HRK: variants seen among roughly 807,000 people sequenced by gnomAD.
HRK encodes the protein activator of apoptosis harakiri.
In HRK, 6 loss-of-function variants were observed where a neutral mutation model predicts 5.9. The ratio of observed to expected loss-of-function variants is 1.02; its 90% CI spans 0.56 to 2.01. The LOEUF (loss-of-function observed/expected upper bound fraction) is 2.01. Among genes scored for constraint, HRK ranks in the 30% most tolerant of loss-of-function variants. The pLI is 0.00. For missense variants in HRK, 133 were observed against 128.3 expected (o/e 1.04, Z -0.18); for synonymous variants, 85 against 65.1 (o/e 1.31, Z -1.47).
At chr12:116,868,286 A>G (rs574131830) in intron 1 of HRK, among the ~76,000 whole-genome samples, 207 of 152,190 alleles carry the variant, frequency 1.4e-3, no homozygotes, top group Non-Finnish European at 2.3e-3. Flanking sequence ...GTTGGGAGAA[A>G]ACCACGCAGG....
chr12:116,879,966 G>A lies in HRK; in HGVS notation c.*56+1010C>T, dbSNP rs912023175. ...TCCCTCATTCTCTGCAGCGCTCCTC[G>A]CTACTCCAGGATCCAGAGTAGTAAG... On this transcript the variant is annotated intron_variant, in intron 1 of 1. Coordinates refer to ENST00000257572, the MANE Select transcript of HRK (RefSeq NM_003806.4). The surrounding 1 kb of genome is among the most constrained non-coding windows in gnomAD (Gnocchi z 5.6). Among the ~76,000 whole-genome samples, 1 of 152,126 alleles carries A rather than the reference G, an allele frequency of 6.6e-6. No individual in the cohort carries two copies. The highest frequency in any genetic ancestry group is 1.5e-5 in the Non-Finnish European group (1 of 68,016).
Position 116,881,348 on chromosome 12 carries a change from T to C in HRK, c.-41A>G. ...TCCCGCCCCGCGCTCGGGCCGCCCC[T>C]CGCCTCCTCTCCCTCCGGCCTCTGC... On this transcript the variant is annotated 5_prime_UTR_variant, in exon 1 of 2. Transcript: ENST00000257572. The C allele has an allele frequency of 1.0e-6, 1 of 1,000,238 alleles. No individual in the cohort carries two copies. The highest frequency in any genetic ancestry group is 1.2e-6 in the Non-Finnish European group (1 of 836,460). The allele number at this position is 1,000,238 out of a possible 1,614,324, so 62.0% of individuals were successfully genotyped here. A position where few individuals can be genotyped will look rare whatever the true frequency, so the allele number is the denominator to read the frequency against.
chr12:116,865,440 T>G (rs968332596), intron 1 of HRK, among the ~76,000 whole-genome samples: 3 of 151,946 alleles, frequency 2.0e-5, no homozygotes, highest in African/African-American at 7.3e-5. Context: ...GGCACGAGAA[T>G]CTCTAGAACC....
chr12:116,881,119 G>T lies in HRK; in HGVS notation c.189C>A (p.Gly63=). The change falls in exon 1 of 2, where the codon GGC becomes GGA. Residue 63 remains glycine, a synonymous_variant. Transcript: ENST00000257572. ...GCCAAGGCCAGTAGGTGGGGAGCGC[G>T]CCGGGCGCCGGCGCCCTCCGGCTCC... ...RARSRRAPAP[G]ALPTYWPWLC... is the part of the protein sequence containing the mutation. 8.2e-7 allele frequency: 1 copy of T among 1,222,790 alleles called. No individual in the cohort carries two copies. The highest frequency in any genetic ancestry group is 3.7e-5 in the South Asian group (1 of 27,302). The allele number at this position is 1,222,790 out of a possible 1,614,324, so 75.7% of individuals were successfully genotyped here. A position where few individuals can be genotyped will look rare whatever the true frequency, so the allele number is the denominator to read the frequency against.
rs1299914933 is a variant in HRK at position 116,881,356 on chromosome 12, TCTCC to T, written c.-53_-50del. ...CGCGCTCGGGCCGCCCCTCGCCTCC[TCTCC>T]CTCCGGCCTCTGCGCCCGCTGCCGC... On this transcript the variant is annotated 5_prime_UTR_variant, in exon 1 of 2. Coordinates refer to ENST00000257572, the MANE Select transcript of HRK (RefSeq NM_003806.4). 2 of 1,023,452 alleles carry T rather than the reference TCTCC, an allele frequency of 2.0e-6. No homozygotes were observed. Among genetic ancestry groups the T allele is most frequent in the Non-Finnish European group, 2.3e-6 (2 of 855,442 alleles). 63.4% of individuals were successfully genotyped at this position (1,023,452 alleles called of 1,614,324 possible).
Position 116,876,276 on chromosome 12 carries a change from C to T in HRK, c.*56+4700G>A, listed in dbSNP as rs549491684. Among the ~76,000 whole-genome samples the T allele has an allele frequency of 9.8e-5, 15 of 152,314 alleles. No individual in the cohort carries two copies. In the South Asian group the frequency reaches 2.9e-3, roughly 29 times the overall value. ...GGGTTCCTCCCCAACAGCTGTCCTC[C>T]TCGGGCTCCCTCGCCAAACAGAAGG... is the stretch of plus-strand genomic sequence containing the variant. On this transcript the variant is annotated intron_variant, in intron 1 of 1. Transcript: ENST00000257572.
At chr12:116,880,297 T>C (rs1879097351) in intron 1 of HRK, among the ~76,000 whole-genome samples, 1 of 152,176 alleles carries the variant, frequency 6.6e-6, no homozygotes, top group African/African-American at 2.4e-5. Context: ...TACAACCGTC[T>C]GGGGAGAAGG....
intron 1 of HRK, among the ~76,000 whole-genome samples, chr12:116,880,041 C>T (rs1418603655): frequency 1.3e-5 from 2 of 152,136 alleles, no homozygotes; most frequent in South Asian, 2.1e-4. Context: ...CAGTGCCAGG[C>T]GCACAGCTAG....
In HRK at chr12:116,878,178, A is replaced by G. The variant is rs1461535310; in HGVS notation, c.*56+2798T>C. ...TGATCCACCTGCCTTGGCCTCCCAA[A>G]GTGCTGGAATTACAGGCGTGAGCCA... On this transcript the variant is annotated intron_variant, in intron 1 of 1. Coordinates refer to ENST00000257572, the MANE Select transcript of HRK (RefSeq NM_003806.4). The surrounding 1 kb of genome is among the most constrained non-coding windows in gnomAD (Gnocchi z 4.4). Among the ~76,000 whole-genome samples, 1 of 152,214 alleles carries G rather than the reference A, an allele frequency of 6.6e-6. No homozygotes were observed. Among genetic ancestry groups the G allele is most frequent in the Non-Finnish European group, 1.5e-5 (1 of 68,040 alleles).
chr12:116,875,331 C>A (rs1234380908), intron 1 of HRK, among the ~76,000 whole-genome samples: 1 of 152,094 alleles, frequency 6.6e-6, no homozygotes, highest in South Asian at 2.1e-4. Flanking sequence ...TAATTTGTTA[C>A]ACAGAAGTAG....
At chr12:116,877,585 T>C (rs1474731709) in intron 1 of HRK, among the ~76,000 whole-genome samples, 1 of 152,174 alleles carries the variant, frequency 6.6e-6, no homozygotes, top group Non-Finnish European at 1.5e-5. Context: ...CCAGCAATAA[T>C]AATGGTAAAA....
At position 116,881,050 on chromosome 12, in the gene HRK, G is replaced by A. The variant is rs1372439574; in HGVS notation, c.258C>T (p.Leu86=). The change falls in exon 1 of 2, where the codon CTC becomes CTT. Residue 86 remains leucine (L), a synonymous_variant. Coordinates refer to ENST00000257572, the MANE Select transcript of HRK (RefSeq NM_003806.4). ...AQVAALAAWL[L]GRRNL The stretch of plus-strand genomic sequence containing the variant: ...CGCGTTCCTACAAGTTCCGCCTGCC[G>A]AGCAGCCAGGCCGCCAGCGCCGCCA... 1.5e-6 allele frequency: 2 copies of A among 1,358,132 alleles called. No individual in the cohort carries two copies. The highest frequency in any genetic ancestry group is 9.5e-7 in the Non-Finnish European group (1 of 1,055,258). The allele number at this position is 1,358,132 out of a possible 1,614,324, so 84.1% of individuals were successfully genotyped here.
In HRK at chr12:116,881,392, C is replaced by T. The variant is rs942408543; in HGVS notation, c.-85G>A. On this transcript the variant is annotated 5_prime_UTR_variant, in exon 1 of 2. Transcript: ENST00000257572. ...CCTCTGCGCCCGCTGCCGCCGCGCT[C>T]CAGCCGCCGGGGGCCTCCCCTGGAC... is the stretch of plus-strand genomic sequence containing the variant. 1.7e-5 allele frequency: 17 copies of T among 1,017,992 alleles called. No individual in the cohort carries two copies. The highest frequency in any genetic ancestry group is 2.0e-5 in the Non-Finnish European group (17 of 851,502). 63.1% of individuals were successfully genotyped at this position (1,017,992 alleles called of 1,614,324 possible). A position where few individuals can be genotyped will look rare whatever the true frequency, so the allele number is the denominator to read the frequency against.
At chr12:116,865,591 A>G (rs1878514410) in intron 1 of HRK, among the ~76,000 whole-genome samples, 1 of 152,212 alleles carries the variant, frequency 6.6e-6, no homozygotes, top group African/African-American at 2.4e-5. Context: ...TGCACAAGTG[A>G]TAAGTTACAA....
At chr12:116,873,868 G>T (rs1453939104) in intron 1 of HRK, among the ~76,000 whole-genome samples, 2 of 152,258 alleles carry the variant, frequency 1.3e-5, no homozygotes, top group South Asian at 4.1e-4. Context: ...AGTCGTAAAA[G>T]GATGCAACTT....
In HRK at chr12:116,856,973, T is replaced by G. The variant is rs1878175507; in HGVS notation, c.*4550A>C. On this transcript the variant is annotated 3_prime_UTR_variant, in exon 2 of 2. Coordinates refer to ENST00000257572, the MANE Select transcript of HRK (RefSeq NM_003806.4). This position sits in a 1 kb window ranked among gnomAD's most constrained non-coding sequence, Gnocchi z 4.4. ...GCGAGCACGCCATAAAAGGTAGCTT[T>G]GATTATTGTGTAAAGCAGCAAGGAC... 6.6e-6 allele frequency: 1 copy of G among 152,244 alleles called. No individual in the cohort carries two copies. Among genetic ancestry groups the G allele is most frequent in the South Asian group, 2.1e-4 (1 of 4,832 alleles). The allele number at this position is 152,244 out of a possible 1,614,324, so 9.4% of individuals were successfully genotyped here.
rs1878242837 is a variant in HRK at position 116,858,581 on chromosome 12, C to CACAA, written c.*2941_*2942insTTGT. 1.5e-5 allele frequency: 1 copy of CACAA among 65,982 alleles called. No homozygotes were observed. Among genetic ancestry groups the CACAA allele is most frequent in the East Asian group, 5.6e-4 (1 of 1,770 alleles). The allele number at this position is 65,982 out of a possible 1,614,324, so 4.1% of individuals were successfully genotyped here. On this transcript the variant is annotated 3_prime_UTR_variant, in exon 2 of 2. Coordinates refer to ENST00000257572, the MANE Select transcript of HRK (RefSeq NM_003806.4). Reference sequence around the variant, plus strand: ...CTCCCTCTGCTTGTACGGTCACACACACACACACACACACACACACACACA... The same window carrying CACAA: ...CTCCCTCTGCTTGTACGGTCACACACACAAACACACACACACACACACACACACA...
At chr12:116,870,016 G>T (rs1418083405) in intron 1 of HRK, among the ~76,000 whole-genome samples, 1 of 152,142 alleles carries the variant, frequency 6.6e-6, no homozygotes, top group Non-Finnish European at 1.5e-5. Context: ...GGAGGCAGAG[G>T]TTGCAGTGAG....
chr12:116,859,117 A>G lies in HRK; in HGVS notation c.*2406T>C, dbSNP rs1168394494. On this transcript the variant is annotated 3_prime_UTR_variant, in exon 2 of 2. Coordinates refer to ENST00000257572, the MANE Select transcript of HRK (RefSeq NM_003806.4). ...ACAAGGGACTTGGCTGAGAAGCTCTATCAGGAGGTCGTGGGTGCCCCAGTT... is the reference window on the plus strand; with the variant it reads ...ACAAGGGACTTGGCTGAGAAGCTCTGTCAGGAGGTCGTGGGTGCCCCAGTT... The G allele has an allele frequency of 1.3e-5, 2 of 152,216 alleles. No individual in the cohort carries two copies. The highest frequency in any genetic ancestry group is 6.5e-5 in the Admixed American group (1 of 15,276). The allele number at this position is 152,216 out of a possible 1,614,324, so 9.4% of individuals were successfully genotyped here.
Sources: allele counts gnomAD v4.1 joint callset (sites outside exome capture counted in the v4.1 genomes callset), GRCh38; gene constraint gnomAD v4.1.1; non-coding constraint Gnocchi (gnomAD v3.1); transcripts MANE v1.5; gene names NCBI Gene and HGNC (gene_info 2026-07-23, HGNC 2026-07-21).